The following ASB7 variants were observed in gnomAD, a reference collection of about 807,000 sequenced individuals.
ASB7 encodes ankyrin repeat and SOCS box protein 7.
In ASB7, 4 loss-of-function variants were observed where a neutral mutation model predicts 32.5. That is an observed-to-expected ratio of 0.12 (90% confidence interval 0.06 to 0.28). The LOEUF (loss-of-function observed/expected upper bound fraction) is 0.28, where lower values mean the gene tolerates loss of function less well. Among genes scored for constraint, ASB7 ranks in the 10% least tolerant of loss-of-function variants. The pLI is 1.00. For synonymous variants in ASB7, 172 were observed against 155.6 expected (o/e 1.11, Z -0.78); for missense variants, 181 against 407.1 (o/e 0.44, Z 4.78).
At chr15:100,637,387 A>G (rs1473866789) in intron 5 of ASB7, among the ~76,000 whole-genome samples, 2 of 152,196 alleles carry the variant, frequency 1.3e-5, no homozygotes, top group Non-Finnish European at 2.9e-5. Context: ...GATTTTAGAA[A>G]ACTTGTATTT....
intron 4 of ASB7, among the ~76,000 whole-genome samples, chr15:100,615,282 G>T (rs2039733352): frequency 6.6e-6 from 1 of 152,184 alleles, no homozygotes; most frequent in African/African-American, 2.4e-5. Context: ...TTATTGAGAT[G>T]TAATTCACAT....
chr15:100,637,410 T>C (rs2039931361), intron 5 of ASB7, among the ~76,000 whole-genome samples: 1 of 152,226 alleles, frequency 6.6e-6, no homozygotes, highest in African/African-American at 2.4e-5. Context: ...TGCTGTGAGA[T>C]TCGTAGTATC....
At chr15:100,648,282 C>G in intron 5 of ASB7, 41 bp from the exon 6 acceptor site, 1 of 1,546,238 alleles carries the variant, frequency 6.5e-7, no homozygotes, top group Non-Finnish European at 8.7e-7. Flanking sequence ...AAATATTGTG[C>G]TTTGTGGCTT....
intron 5 of ASB7, chr15:100,646,017 G>A (rs1289283345): frequency 1.1e-5 from 5 of 453,818 alleles, no homozygotes; most frequent in Admixed American, 8.7e-5. Context: ...CTTCTGTAGG[G>A]ACAGTAGACC....
rs918145157 is a variant in ASB7, at chr15:100,610,085, G to A, written c.-52+257G>A. Reference sequence around the variant, plus strand: ...TATGTTTCCATTAATTCCTTCAGACGGTCTTCAGCATTTTCTCTCATAACA... The same window carrying A: ...TATGTTTCCATTAATTCCTTCAGACAGTCTTCAGCATTTTCTCTCATAACA... On this transcript the variant is annotated intron_variant, in intron 3 of 5. Transcript: ENST00000332783. Among the ~76,000 whole-genome samples the A allele has an allele frequency of 3.9e-5, 6 of 152,268 alleles. No individual in the cohort carries two copies. The East Asian group carries it at 7.7e-4, about 20-fold the overall frequency.
intron 4 of ASB7, among the ~76,000 whole-genome samples, chr15:100,628,532 T>C (rs1446344702): frequency 6.6e-6 from 1 of 152,204 alleles, no homozygotes; most frequent in African/African-American, 2.4e-5. Flanking sequence ...ATGGAATTGC[T>C]GACTTCTAGG....
intron 5 of ASB7, among the ~76,000 whole-genome samples, chr15:100,639,311 C>T (rs772717148): frequency 7.9e-5 from 12 of 152,064 alleles, no homozygotes; most frequent in Non-Finnish European, 1.0e-4. Context: ...CACAGTAACC[C>T]GAAATATTTT....
rs1437110545 is a variant in ASB7, at chr15:100,649,162, C to G, written c.*700C>G. The G allele has an allele frequency of 2.6e-5, 4 of 152,478 alleles. No individual in the cohort carries two copies. Among genetic ancestry groups the G allele is most frequent in the Non-Finnish European group, 4.4e-5 (3 of 68,008 alleles). The allele number at this position is 152,478 out of a possible 1,614,324, so 9.4% of individuals were successfully genotyped here. A position where few individuals can be genotyped will look rare whatever the true frequency, so the allele number is the denominator to read the frequency against. On this transcript the variant is annotated 3_prime_UTR_variant, in exon 6 of 6. Coordinates refer to ENST00000332783, the MANE Select transcript of ASB7 (RefSeq NM_198243.3). ...ATTTCTATCTCTAGTTAGAGTTGTACTTTTAAAAAAATTAACGGGAAAGAA... is the reference window on the plus strand; with the variant it reads ...ATTTCTATCTCTAGTTAGAGTTGTAGTTTTAAAAAAATTAACGGGAAAGAA...
chr15:100,613,854 A>T (rs960052627), intron 4 of ASB7, among the ~76,000 whole-genome samples: 1 of 152,214 alleles, frequency 6.6e-6, no homozygotes, highest in Non-Finnish European at 1.5e-5. Context: ...ATAAAGCCAA[A>T]GTCCCCTTTG....
At position 100,621,404 on chromosome 15, in the gene ASB7, C is replaced by T. The variant is rs572874444; in HGVS notation, c.212-8033C>T. Among the ~76,000 whole-genome samples, 3 of 152,162 alleles carry T rather than the reference C, an allele frequency of 2.0e-5. No homozygotes were observed. In the South Asian group the frequency reaches 6.2e-4, roughly 32 times the overall value. On this transcript the variant is annotated intron_variant, in intron 4 of 5. Transcript: ENST00000332783. ...TTCTCAATGCCCAAATATAGAGAAG[C>T]AATTCAGTAATTAGAGTATGGTTAC...
chr15:100,621,426 T>TTACAGCTATGTATACAGCTATTA (rs2039791445), intron 4 of ASB7, among the ~76,000 whole-genome samples: 2 of 152,304 alleles, frequency 1.3e-5, no homozygotes, highest in African/African-American at 4.8e-5. Flanking sequence ...TAGAGTATGG[T>TTACAGCTATGTATACAGCTATTA]TACAGCTATG....
At position 100,629,133 on chromosome 15, in the gene ASB7, G is replaced by A. The variant is rs1340054515; in HGVS notation, c.212-304G>A. 6.6e-6 allele frequency among the ~76,000 whole-genome samples: 1 copy of A among 152,176 alleles called. No individual in the cohort carries two copies. Among genetic ancestry groups the A allele is most frequent in the Non-Finnish European group, 1.5e-5 (1 of 68,026 alleles). ...AGATGAAGGAGTTGAGTAGCCAGAG[G>A]CAGTTGGTTAAATTAGCAAAGACAG... is the stretch of plus-strand genomic sequence containing the variant. On this transcript the variant is annotated intron_variant, in intron 4 of 5. Transcript: ENST00000332783. This position sits in a 1 kb window ranked among gnomAD's most constrained non-coding sequence, Gnocchi z 6.8.
intron 4 of ASB7, among the ~76,000 whole-genome samples, chr15:100,619,028 A>G (rs1180535111): frequency 1.3e-5 from 2 of 152,168 alleles, no homozygotes; most frequent in African/African-American, 2.4e-5. Flanking sequence ...GTAATTCTGT[A>G]TTGCCCCTAA....
At chr15:100,609,994 T>C (rs1356659268) in intron 3 of ASB7, among the ~76,000 whole-genome samples, 166 bp downstream of exon 3, 1 of 152,240 alleles carries the variant, frequency 6.6e-6, no homozygotes, top group Non-Finnish European at 1.5e-5. Flanking sequence ...ATGGTAGGCC[T>C]CGTTTAAGTG....
chr15:100,630,959 C>T (rs966011296), intron 5 of ASB7, among the ~76,000 whole-genome samples: 1 of 152,152 alleles, frequency 6.6e-6, no homozygotes, highest in African/African-American at 2.4e-5. Context: ...ATATTAACAT[C>T]CTGGGTACCA....
At chr15:100,623,955 G>C (rs118189713) in intron 4 of ASB7, among the ~76,000 whole-genome samples, 4,493 of 152,230 alleles carry the variant, frequency 0.03, 114 homozygotes, top group Middle Eastern at 0.12. Flanking sequence ...GTCCATTGTG[G>C]TATATATACA....
rs2039559779 is a variant in ASB7 at position 100,602,737 on chromosome 15, G to A, written c.-582G>A. 1 of 375,014 alleles carries A rather than the reference G, an allele frequency of 2.7e-6. No homozygotes were observed. The highest frequency in any genetic ancestry group is 4.7e-6 in the Non-Finnish European group (1 of 211,592). The allele number at this position is 375,014 out of a possible 1,614,324, so 23.2% of individuals were successfully genotyped here. A position where few individuals can be genotyped will look rare whatever the true frequency, so the allele number is the denominator to read the frequency against. On this transcript the variant is annotated 5_prime_UTR_variant, in exon 1 of 6. Transcript: ENST00000332783. ...GTCCCGAGACCTCCTGGGTCCCTCC[G>A]TAGCTGGAAGCCTCCGGCCCGGAGC...
chr15:100,620,798 C>T (rs1014451215), intron 4 of ASB7, among the ~76,000 whole-genome samples: 5 of 152,128 alleles, frequency 3.3e-5, no homozygotes. Context: ...AAGAAAATAA[C>T]GTTGGAAGAG....
chr15:100,648,247 G>T, intron 5 of ASB7, 76 bp from the exon 6 acceptor site: 2 of 1,423,676 alleles, frequency 1.4e-6, no homozygotes, highest in South Asian at 2.9e-5. Context: ...CCAGGGAAAT[G>T]AACAGTTCTT....
Sources: allele counts gnomAD v4.1 joint callset (sites outside exome capture counted in the v4.1 genomes callset), GRCh38; gene constraint gnomAD v4.1.1; non-coding constraint Gnocchi (gnomAD v3.1); transcripts MANE v1.5; gene names NCBI Gene and HGNC (gene_info 2026-07-23, HGNC 2026-07-21).